HTR3A: variants seen among roughly 807,000 people sequenced by gnomAD.
HTR3A encodes the protein 5-hydroxytryptamine (serotonin) receptor 3A, ionotropic.
In HTR3A, 45 loss-of-function variants were observed where a neutral mutation model predicts 54.8. The observed-to-expected ratio is 0.82, with a 90% CI of 0.65 to 1.05. HTR3A has a LOEUF of 1.05. Ranked by LOEUF, HTR3A falls within the 50% of genes least tolerant of loss-of-function variation. The probability of loss-of-function intolerance (pLI) is 0.00; values close to 1 mark genes in which losing one functional copy is unlikely to be tolerated. For missense variants in HTR3A, 657 were observed against 614.0 expected, an observed-to-expected ratio of 1.07 and a Z score of -0.74; for synonymous variants, 297 against 256.0, an observed-to-expected ratio of 1.16 and a Z score of -1.53.
intron 8 of HTR3A, among the ~76,000 whole-genome samples, chr11:113,987,719 A>G (rs567186306): frequency 2.6e-5 from 4 of 152,336 alleles, no homozygotes; most frequent in African/African-American, 9.6e-5. Context: ...AGATAGAGTA[A>G]GACCCTGTCT....
chr11:113,985,075 C>A (rs1241868562), intron 5 of HTR3A, among the ~76,000 whole-genome samples: 5 of 152,250 alleles, frequency 3.3e-5, no homozygotes, highest in African/African-American at 1.2e-4. Flanking sequence ...CAATCCCAAA[C>A]TTCACCAACA....
At chr11:113,985,087 C>T (rs1484548580) in intron 5 of HTR3A, among the ~76,000 whole-genome samples, 1 of 152,194 alleles carries the variant, frequency 6.6e-6, no homozygotes, top group Non-Finnish European at 1.5e-5. Flanking sequence ...TCACCAACAA[C>T]AGGAGTTAAC....
At chr11:113,988,908 T>C (rs915017065) in intron 8 of HTR3A, among the ~76,000 whole-genome samples, 2 of 152,144 alleles carry the variant, frequency 1.3e-5, no homozygotes, top group African/African-American at 4.8e-5. Context: ...AAAAGCAATA[T>C]ATAGGAAGGA....
intron 5 of HTR3A, 74 bp downstream of exon 5, chr11:113,983,363 C>T: frequency 6.5e-7 from 1 of 1,528,532 alleles, no homozygotes. Flanking sequence ...AGGAGTGCTC[C>T]CCAGGGCGCC....
At chr11:113,981,668 G>A (rs1280557015) in intron 4 of HTR3A, among the ~76,000 whole-genome samples, 1 of 152,100 alleles carries the variant, frequency 6.6e-6, no homozygotes, top group Non-Finnish European at 1.5e-5. Context: ...TAAAAAAAAT[G>A]GAGCACTTGG....
intron 4 of HTR3A, among the ~76,000 whole-genome samples, chr11:113,982,423 C>T (rs1359039242): frequency 2.0e-5 from 3 of 152,196 alleles, no homozygotes; most frequent in Admixed American, 1.3e-4. Flanking sequence ...CCAGTTTCTG[C>T]TGGCTCTCCA....
chr11:113,984,414 G>A (rs988046966), intron 5 of HTR3A, among the ~76,000 whole-genome samples: 5 of 152,104 alleles, frequency 3.3e-5, no homozygotes, highest in Non-Finnish European at 1.5e-5. Context: ...CCAGGAGTTT[G>A]AGGCCAGTCT....
Position 113,986,912 on chromosome 11 carries a change from TGCA to T in HTR3A, c.1010_1012del (p.Gln337del). On this transcript the variant is annotated inframe_deletion, in exon 8 of 9. Coordinates refer to ENST00000504030, the MANE Select transcript of HTR3A (RefSeq NM_000869.6). ...GTGCGGCTGGTGCACAAGCAAGACC[TGCA>T]GCAGCCCGTGCCTGCTTGGCTGCGT... The T allele has an allele frequency of 6.2e-7, 1 of 1,614,186 alleles. No homozygotes were observed. Among genetic ancestry groups the T allele is most frequent in the Non-Finnish European group, 8.5e-7 (1 of 1,180,040 alleles).
At chr11:113,987,332 T>C (rs892461939) in intron 8 of HTR3A, among the ~76,000 whole-genome samples, 1 of 152,196 alleles carries the variant, frequency 6.6e-6, no homozygotes, top group African/African-American at 2.4e-5. Context: ...GGCCTCTCTC[T>C]AGGATGGACC....
intron 7 of HTR3A, 45 bp from the exon 8 acceptor site, chr11:113,986,780 C>T (rs201439244): frequency 1.2e-5 from 19 of 1,613,928 alleles, no homozygotes; most frequent in Non-Finnish European, 1.4e-5. Context: ...CCCGCCCCCT[C>T]CCACCTCCTG....
Position 113,986,385 on chromosome 11 carries a change from G to C in HTR3A, c.706-133G>C, listed in dbSNP as rs528609937. On this transcript the variant is annotated intron_variant, in intron 6 of 8. Transcript: ENST00000504030. ...CCTGGATTGAGAGGCAGGGTATGGG[G>C]GTCTGTCTGTTTTCTTCTCTGAGCA... is the stretch of plus-strand genomic sequence containing the variant. 41 of 1,118,190 alleles carry C rather than the reference G, an allele frequency of 3.7e-5. No homozygotes were observed. In the African/African-American group the frequency reaches 5.4e-4, roughly 15 times the overall value. The allele number at this position is 1,118,190 out of a possible 1,614,324, so 69.3% of individuals were successfully genotyped here. A position where few individuals can be genotyped will look rare whatever the true frequency, so the allele number is the denominator to read the frequency against.
intron 5 of HTR3A, among the ~76,000 whole-genome samples, chr11:113,984,667 C>T (rs112168363): frequency 1.4e-3 from 218 of 152,274 alleles, no homozygotes; most frequent in African/African-American, 5.0e-3. Flanking sequence ...GCCTGTAATC[C>T]CAGCACTTTG....
In HTR3A at chr11:113,986,472, G is replaced by C. The variant is rs779883097; in HGVS notation, c.706-46G>C. 6.2e-6 allele frequency: 10 copies of C among 1,602,554 alleles called. No homozygotes were observed. The Admixed American group carries it at 1.0e-4, about 16-fold the overall frequency. ...GCTTGTGGGGTGGTTCCTGGGAGCA[G>C]AGCCTGTTTGCCCCAGGCTTCCCAC... On this transcript the variant is annotated intron_variant, in intron 6 of 8. Coordinates refer to ENST00000504030, the MANE Select transcript of HTR3A (RefSeq NM_000869.6).
intron 4 of HTR3A, 152 bp from the exon 5 acceptor site, chr11:113,982,968 G>T: frequency 1.2e-6 from 1 of 843,168 alleles, no homozygotes; most frequent in Non-Finnish European, 1.9e-6. Context: ...TAGGAAGGTT[G>T]GAAAAACCGA....
chr11:113,977,553 G>A (rs375100696), intron 1 of HTR3A: 1 of 1,548,434 alleles, frequency 6.5e-7, no homozygotes, highest in Non-Finnish European at 8.7e-7. Flanking sequence ...TCCTGTCAAT[G>A]AATGCATAGG....
chr11:113,986,657 T>A lies in HTR3A; in HGVS notation c.845T>A (p.Leu282Gln). The part of the protein sequence containing the change: ...ERVSFKITLL[L>Q]GYSVFLIIVS... ...GTCTCTTTCAAGATTACACTCCTCC[T>A]GGGCTACTCGGTCTTCCTGATCATC... The change falls in exon 7 of 9, where the codon CTG becomes CAG. Residue 282 changes from leucine (L) to glutamine (Q), a missense_variant. Physicochemically the swap from Leu to Gln is moderately radical, Grantham distance 113. Transcript: ENST00000504030. 6.2e-7 allele frequency: 1 copy of A among 1,614,208 alleles called. No homozygotes were observed. The highest frequency in any genetic ancestry group is 2.2e-5 in the East Asian group (1 of 44,888).
intron 1 of HTR3A, chr11:113,977,465 C>CT (rs5794895): frequency 6.7e-6 from 10 of 1,501,612 alleles, no homozygotes; most frequent in South Asian, 3.7e-5. Flanking sequence ...GCCACCTGCT[C>CT]CGACCTTCTT....
At chr11:113,986,327 G>T (rs1950491056) in intron 6 of HTR3A, 152 bp downstream of exon 6, 2 of 1,147,968 alleles carry the variant, frequency 1.7e-6, no homozygotes, top group Non-Finnish European at 2.6e-6. Context: ...GAAACTCCAT[G>T]AATGTCCCTT....
chr11:113,989,522 G>C lies in HTR3A; in HGVS notation c.1196G>C (p.Arg399Thr), dbSNP rs755832055. The change falls in exon 9 of 9, where the codon AGG becomes ACG. Residue 399 changes from arginine (R) to threonine (T), a missense_variant. Coordinates refer to ENST00000504030, the MANE Select transcript of HTR3A (RefSeq NM_000869.6). This position sits in a 1 kb window ranked among gnomAD's most constrained non-coding sequence, Gnocchi z 4.4. ...CCCCAGGACTTCGAGAAGAGCCCGAGGGACAGATGTAGCCCTCCCCCACCA... is the reference window on the plus strand; with the variant it reads ...CCCCAGGACTTCGAGAAGAGCCCGACGGACAGATGTAGCCCTCCCCCACCA... ...GGPQDFEKSP[R>T]DRCSPPPPPR... 2.5e-6 allele frequency: 4 copies of C among 1,614,174 alleles called. No homozygotes were observed. In the Admixed American group the frequency reaches 6.7e-5, roughly 27 times the overall value.
Sources: gnomAD v4.1 joint callset for allele counts (sites outside exome capture counted in the v4.1 genomes callset) on GRCh38, gnomAD v4.1.1 for gene constraint, Gnocchi (gnomAD v3.1) non-coding constraint, MANE v1.5 for transcripts, NCBI Gene and HGNC (gene_info 2026-07-23, HGNC 2026-07-21) for gene names.